ENTPD2: variants seen among roughly 807,000 people sequenced by gnomAD.
ENTPD2 encodes the protein ectonucleoside triphosphate diphosphohydrolase 2, also known as CD39 antigen-like 1.
A neutral mutation model predicts 46.8 loss-of-function variants in ENTPD2; 48 were observed. The ratio of observed to expected loss-of-function variants is 1.03; its 90% CI spans 0.81 to 1.30. The LOEUF is 1.30. ENTPD2 is among the 50% of genes most tolerant of loss of function. ENTPD2 has a pLI of 0.00. For missense variants in ENTPD2, 707 were observed against 651.1 expected (o/e 1.09, Z -0.93); for synonymous variants, 316 against 286.1 (o/e 1.10, Z -1.06).
intron 7 of ENTPD2, chr9:137,049,288 C>T (rs1832211427): frequency 1.2e-6 from 1 of 843,724 alleles, no homozygotes; most frequent in African/African-American, 1.7e-5. Context: ...CAGCCAGCGC[C>T]CATGCCTGGA....
At position 137,049,965 on chromosome 9, in the gene ENTPD2, C is replaced by T; in HGVS notation, c.1054G>A (p.Val352Met). The T allele has an allele frequency of 6.2e-7, 1 of 1,612,590 alleles. No homozygotes were observed. The highest frequency in any genetic ancestry group is 8.5e-7 in the Non-Finnish European group (1 of 1,179,818). Residue 352 changes from valine (V) to methionine (M), a missense_variant, in exon 7 of 9, where the codon GTG becomes ATG. Transcript: ENST00000355097. ...CCCATCGAAGTCCGCAAAAAGTCCA[C>T]AGTGTAGAAGAAGGCAGAGAAGGCC... ...FVAFSAFFYTVDFLRTSMGLP... is the reference protein window; with the variant it reads ...FVAFSAFFYTMDFLRTSMGLP...
Position 137,050,549 on chromosome 9 carries a change from C to T in ENTPD2, c.775-11G>A, listed in dbSNP as rs202014172. 5 of 1,609,456 alleles carry T rather than the reference C, an allele frequency of 3.1e-6. No homozygotes were observed. Among genetic ancestry groups the T allele is most frequent in the Middle Eastern group, 1.7e-4 (1 of 6,036 alleles). ...GTGGAAGCCGTGGGTCTGGGGGAAT[C>T]ACCAGCGTGACAGGGTGGCACCACC... On this transcript the variant is annotated splice_polypyrimidine_tract_variant and intron_variant, in intron 5 of 8. Coordinates refer to ENST00000355097, the MANE Select transcript of ENTPD2 (RefSeq NM_203468.3).
intron 1 of ENTPD2, among the ~76,000 whole-genome samples, chr9:137,053,542 GC>G (rs1398846146): frequency 1.2e-4 from 19 of 152,254 alleles, no homozygotes; most frequent in Non-Finnish European, 1.9e-4. Flanking sequence ...AGGCCTGGGG[GC>G]GGGCGTCCGG....
In ENTPD2 at chr9:137,048,986, G is replaced by C. The variant is rs1202678722; in HGVS notation, c.1239C>G (p.Tyr413Ter). Reference sequence around the variant, plus strand: ...CGCCGAAGGCGCGCTCGTCGAAGCCGTAGCCGCGACTCAGCAGCTGCTGCA... The same window carrying C: ...CGCCGAAGGCGCGCTCGTCGAAGCCCTAGCCGCGACTCAGCAGCTGCTGCA... ...MFVQQLLSRG[Y>*]GFDERAFGGV... is the part of the protein sequence containing the mutation. Residue 413 changes from tyrosine (Y) to a stop codon, truncating the protein, a stop_gained, in exon 8 of 9, where the codon TAC (tyrosine) becomes TAG (stop). Coordinates refer to ENST00000355097, the MANE Select transcript of ENTPD2 (RefSeq NM_203468.3). LOFTEE classifies it low-confidence loss of function (END_TRUNC). 2.6e-6 allele frequency: 4 copies of C among 1,527,080 alleles called. No individual in the cohort carries two copies. In the East Asian group the frequency reaches 1.0e-4, roughly 38 times the overall value. The allele number at this position is 1,527,080 out of a possible 1,614,324, so 94.6% of individuals were successfully genotyped here.
Position 137,052,237 on chromosome 9 carries a change from C to A in ENTPD2, c.229G>T (p.Val77Phe). 6.2e-7 allele frequency: 1 copy of A among 1,612,404 alleles called. No individual in the cohort carries two copies. Among genetic ancestry groups the A allele is most frequent in the South Asian group, 1.1e-5 (1 of 91,068 alleles). The change falls in exon 2 of 9, where the codon GTT becomes TTT. Residue 77 changes from valine to phenylalanine, a missense_variant. Transcript: ENST00000355097. ...GGGCTGGGCTGGGCCTCACCTGGAA[C>A]ATCACAGGAGCTGTGCTGGCCCACA... Reference protein sequence around the residue: ...GIVGQHSSCDVPGGGISSYAD... With the variant: ...GIVGQHSSCDFPGGGISSYAD...
At chr9:137,049,778 C>T (rs935574355) in intron 7 of ENTPD2, 92 bp downstream of exon 7, 44 of 1,427,902 alleles carry the variant, frequency 3.1e-5, no homozygotes, top group Non-Finnish European at 3.7e-5. Flanking sequence ...GCGGGTGCTC[C>T]GAGAGGCCTG....
At chr9:137,049,404 C>G in intron 7 of ENTPD2, 1 of 581,764 alleles carries the variant, frequency 1.7e-6, no homozygotes, top group Non-Finnish European at 3.1e-6. Context: ...TGAGTCTGCC[C>G]GCTGGCTCGC....
Position 137,048,814 on chromosome 9 carries a change from A to G in ENTPD2, c.1331T>C (p.Leu444Pro). The G allele has an allele frequency of 6.4e-7, 1 of 1,572,462 alleles. No individual in the cohort carries two copies. ...CGGGTCGGCGGGGATCAGGTTGGTC[A>G]GGTTCAGCATGTAGCCGAGCGCCCA... Reference protein sequence around the residue: ...VGWALGYMLNLTNLIPADPPG... With the variant: ...VGWALGYMLNPTNLIPADPPG... Residue 444 changes from leucine to proline, a missense_variant, in exon 9 of 9, where the codon CTG (leucine) becomes CCG (proline). By Grantham distance (98) the Leu-to-Pro change is moderately conservative. Transcript: ENST00000355097.
chr9:137,048,689 C>T lies in ENTPD2; in HGVS notation c.1456G>A (p.Val486Met), dbSNP rs1357452729. 4 of 1,603,368 alleles carry T rather than the reference C, an allele frequency of 2.5e-6. No homozygotes were observed. Among genetic ancestry groups the T allele is most frequent in the Non-Finnish European group, 2.6e-6 (3 of 1,176,028 alleles). ...GTGCTTGGCAGCTTGGCGGAGTGCA[C>T]CTGACGCAGCAGCAGGACAAGCGCA... ...LAALVLLLRQ[V>M]HSAKLPSTI Residue 486 changes from valine to methionine, a missense_variant, in exon 9 of 9, where the codon GTG becomes ATG. Transcript: ENST00000355097.
chr9:137,052,339 C>G lies in ENTPD2; in HGVS notation c.127G>C (p.Val43Leu), dbSNP rs748164984. The G allele has an allele frequency of 3.1e-6, 5 of 1,602,424 alleles. No individual in the cohort carries two copies. The East Asian group carries it at 6.8e-5, about 22-fold the overall frequency. ...REPPALKYGIVLDAGSSHTSM... is the reference protein window; with the variant it reads ...REPPALKYGILLDAGSSHTSM... ...GTGTGTGAAGAACCAGCGTCCAGGA[C>G]GATGCCATACTGCGGGGGAGGGGGA... Residue 43 changes from valine (V) to leucine (L), a missense_variant, in exon 2 of 9, where the codon GTC becomes CTC. Coordinates refer to ENST00000355097, the MANE Select transcript of ENTPD2 (RefSeq NM_203468.3).
rs1832228729 is a variant in ENTPD2, at chr9:137,049,997, G to A, written c.1030-8C>T. The A allele has an allele frequency of 6.2e-7, 1 of 1,610,128 alleles. No individual in the cohort carries two copies. The highest frequency in any genetic ancestry group is 1.3e-5 in the African/African-American group (1 of 74,694). ...GAAGAAGGCAGAGAAGGCCTGTAGG[G>A]GGCGCAGTCACACTGTGACCGAACC... On this transcript the variant is annotated splice_region_variant and splice_polypyrimidine_tract_variant and intron_variant, in intron 6 of 8. Transcript: ENST00000355097.
In ENTPD2 at chr9:137,048,206, CAGA is replaced by C. The variant is rs1832174224; in HGVS notation, c.*448_*450del. 6.0e-6 allele frequency: 1 copy of C among 166,520 alleles called. No homozygotes were observed. The highest frequency in any genetic ancestry group is 1.3e-5 in the Non-Finnish European group (1 of 76,472). 10.3% of individuals were successfully genotyped at this position (166,520 alleles called of 1,614,324 possible). Reference sequence around the variant, plus strand: ...CTCCCCAGTACAGACCCAGACTACACAGAAGGAGCCTCTAAGGGCTGATTCTCA... The same window carrying C: ...CTCCCCAGTACAGACCCAGACTACACAGGAGCCTCTAAGGGCTGATTCTCA... On this transcript the variant is annotated 3_prime_UTR_variant, in exon 9 of 9. Transcript: ENST00000355097.
chr9:137,050,799 A>G, intron 5 of ENTPD2, 103 bp downstream of exon 5: 2 of 1,417,320 alleles, frequency 1.4e-6, no homozygotes, highest in South Asian at 2.6e-5. Context: ...CTTTCCAGCC[A>G]ATTAAAGCCC....
In ENTPD2 at chr9:137,051,177, G is replaced by A. The variant is rs199604605; in HGVS notation, c.546+34C>T. ...TCAACCAGGGGCCGAGGGCGCCCACGCCCCCTGGCTCTTTGGCTGGCTGCT... is the reference window on the plus strand; with the variant it reads ...TCAACCAGGGGCCGAGGGCGCCCACACCCCCTGGCTCTTTGGCTGGCTGCT... On this transcript the variant is annotated intron_variant, in intron 4 of 8. Coordinates refer to ENST00000355097, the MANE Select transcript of ENTPD2 (RefSeq NM_203468.3). 1.7e-5 allele frequency: 27 copies of A among 1,611,396 alleles called. 1 individual carries two copies. Among genetic ancestry groups the A allele is most frequent in the South Asian group, 1.1e-4 (10 of 91,028 alleles).
At chr9:137,049,722 C>T (rs1263118147) in intron 7 of ENTPD2, 148 bp downstream of exon 7, 17 of 935,976 alleles carry the variant, frequency 1.8e-5, no homozygotes, top group East Asian at 2.9e-5. Context: ...GCCACAGCCA[C>T]GCCACCTCTG....
Position 137,049,889 on chromosome 9 carries a change from C to A in ENTPD2, c.1130G>T (p.Cys377Phe), listed in dbSNP as rs200426486. 5.6e-6 allele frequency: 9 copies of A among 1,611,576 alleles called. No individual in the cohort carries two copies. Among genetic ancestry groups the A allele is most frequent in the Non-Finnish European group, 7.6e-6 (9 of 1,179,620 alleles). ...GCTCACCTGAGCCCAGGTCTGGTTG[C>A]AGACATTCACTGCGGCTGCCTCCAG... is the stretch of plus-strand genomic sequence containing the variant. Reference protein sequence around the residue: ...QQLEAAAVNVCNQTWAQLQAR... With the variant: ...QQLEAAAVNVFNQTWAQLQAR... Residue 377 changes from cysteine (C) to phenylalanine (F), a missense_variant, in exon 7 of 9, where the codon TGC (cysteine) becomes TTC (phenylalanine). Transcript: ENST00000355097.
chr9:137,050,729 C>T (rs1452260946), intron 5 of ENTPD2, among the ~76,000 whole-genome samples, 173 bp downstream of exon 5: 1 of 152,054 alleles, frequency 6.6e-6, no homozygotes, highest in African/African-American at 2.4e-5. Flanking sequence ...CCTGGCCCTC[C>T]CTTCTCCAGG....
Position 137,051,676 on chromosome 9 carries a change from G to A in ENTPD2, c.236-16C>T. ...ATGCCCCCACCTAGAGGGAGGCAGA[G>A]AGATGAGCCTATGCCTCACGGGCAG... On this transcript the variant is annotated splice_polypyrimidine_tract_variant and intron_variant, in intron 2 of 8. Coordinates refer to ENST00000355097, the MANE Select transcript of ENTPD2 (RefSeq NM_203468.3). The A allele has an allele frequency of 1.2e-6, 2 of 1,602,898 alleles. No individual in the cohort carries two copies. The highest frequency in any genetic ancestry group is 2.7e-5 in the African/African-American group (2 of 74,776).
At chr9:137,049,168 CCAGACACACA>C (rs1468344457) in intron 7 of ENTPD2, 93 bp from the exon 8 acceptor site, 2 of 1,527,878 alleles carry the variant, frequency 1.3e-6, no homozygotes, top group East Asian at 4.9e-5. Context: ...TCACCCCTCC[CCAGACACACA>C]CGGGCCGTGC....
Sources: allele counts gnomAD v4.1 joint callset (sites outside exome capture counted in the v4.1 genomes callset), GRCh38; gene constraint gnomAD v4.1.1; transcripts MANE v1.5; gene names NCBI Gene and HGNC (gene_info 2026-07-23, HGNC 2026-07-21).